Variants in AMBRA1 observed in about 807,000 individuals in gnomAD.
AMBRA1 encodes autophagy and beclin 1 regulator 1, also known as activating molecule in BECN1-regulated autophagy protein 1.
AMBRA1 carries 47 observed loss-of-function variants against 125.4 expected under a neutral mutation model. The observed-to-expected ratio is 0.37, with a 90% confidence interval of 0.30 to 0.48. The LOEUF (loss-of-function observed/expected upper bound fraction) is 0.48. Ranked by LOEUF, AMBRA1 falls within the 20% of genes least tolerant of loss-of-function variation. The pLI is 0.99. For synonymous variants in AMBRA1, 626 were observed against 655.5 expected, an observed-to-expected ratio of 0.95 and a Z score of 0.69; for missense variants, 1,331 against 1,693.4, an observed-to-expected ratio of 0.79 and a Z score of 3.76.
At chr11:46,446,413 G>A (rs746580462) in intron 11 of AMBRA1, among the ~76,000 whole-genome samples, 1 of 152,148 alleles carries the variant, frequency 6.6e-6, no homozygotes, top group Non-Finnish European at 1.5e-5. Flanking sequence ...GGGGGTTAAT[G>A]GACTGAGCTA....
chr11:46,539,918 A>G (rs964475316), intron 7 of AMBRA1, among the ~76,000 whole-genome samples: 52 of 151,850 alleles, frequency 3.4e-4, no homozygotes, highest in African/African-American at 1.2e-3. Flanking sequence ...CGCAACCTCC[A>G]TCTCCTGGGT....
intron 1 of AMBRA1, among the ~76,000 whole-genome samples, chr11:46,549,530 C>T (rs112164044): frequency 6.6e-6 from 1 of 152,124 alleles, no homozygotes; most frequent in Non-Finnish European, 1.5e-5. Flanking sequence ...GACACTTTAA[C>T]CCTGCATATT....
chr11:46,569,304 TA>T (rs2043662069), intron 1 of AMBRA1, among the ~76,000 whole-genome samples: 1 of 148,490 alleles, frequency 6.7e-6, no homozygotes, highest in African/African-American at 2.5e-5. Flanking sequence ...TATAAACTCA[TA>T]GTTCATACAA....
Position 46,542,741 on chromosome 11 carries a change from G to C in AMBRA1, c.1276C>G (p.Leu426Val). The change falls in exon 7 of 18, where the codon CTG becomes GTG. Residue 426 changes from leucine to valine, a missense_variant. Physicochemically the swap from Leu to Val is conservative, Grantham distance 32 (BLOSUM62 1). Transcript: ENST00000683756. The surrounding 1 kb of genome is among the most constrained non-coding windows in gnomAD (Gnocchi z 5.9). Reference sequence around the variant, plus strand: ...GATTCCGCCTCAGAGCGGGAGTTCAGACTGAGTACTGTCCGGGTCCACTCA... The same window carrying C: ...GATTCCGCCTCAGAGCGGGAGTTCACACTGAGTACTGTCCGGGTCCACTCA... ...GSEWTRTVLSLNSRSEAESMP... is the reference protein window; with the variant it reads ...GSEWTRTVLSVNSRSEAESMP... The C allele has an allele frequency of 6.2e-7, 1 of 1,614,048 alleles. No homozygotes were observed. Among genetic ancestry groups the C allele is most frequent in the Non-Finnish European group, 8.5e-7 (1 of 1,180,004 alleles).
At chr11:46,558,548 C>CAAAAAAAAAAA (rs58748629) in intron 1 of AMBRA1, among the ~76,000 whole-genome samples, 1 of 38,740 alleles carries the variant, frequency 2.6e-5, no homozygotes, top group Non-Finnish European at 5.2e-5. Context: ...GACTCCCTCT[C>CAAAAAAAAAAA]AAAAAAAAAA....
intron 2 of AMBRA1, 61 bp from the exon 3 acceptor site, chr11:46,547,936 A>C: frequency 6.5e-7 from 1 of 1,539,498 alleles, no homozygotes; most frequent in Non-Finnish European, 8.8e-7. Context: ...GGTTCACCGT[A>C]TCTCAAAAGC....
chr11:46,505,281 A>T (rs1260564302), intron 9 of AMBRA1, among the ~76,000 whole-genome samples: 1 of 152,158 alleles, frequency 6.6e-6, no homozygotes, highest in Non-Finnish European at 1.5e-5. Flanking sequence ...CTTCTTTGTT[A>T]TTCTCCCTCC....
intron 9 of AMBRA1, among the ~76,000 whole-genome samples, chr11:46,505,364 G>A (rs1286873400): frequency 6.6e-6 from 1 of 152,162 alleles, no homozygotes; most frequent in Non-Finnish European, 1.5e-5. Context: ...GAGGGAGGTG[G>A]GCAGGGAAGG....
rs12099394 is a variant in AMBRA1 at position 46,450,218 on chromosome 11, A to T, written c.2522-6620T>A. On this transcript the variant is annotated intron_variant, in intron 11 of 17. Coordinates refer to ENST00000683756, the MANE Select transcript of AMBRA1 (RefSeq NM_001387011.1). ...AACTGTGGCACATCCATACAATGGAATATTATTCATGCTAAAAGAAATGAG... is the reference window on the plus strand; with the variant it reads ...AACTGTGGCACATCCATACAATGGATTATTATTCATGCTAAAAGAAATGAG... Among the ~76,000 whole-genome samples the T allele has an allele frequency of 1.8e-3, 272 of 152,338 alleles. 6 individuals are homozygous for T. The East Asian group carries it at 0.042, about 24-fold the overall frequency.
intron 7 of AMBRA1, among the ~76,000 whole-genome samples, chr11:46,525,682 C>T (rs777874801): frequency 2.6e-5 from 4 of 151,632 alleles, no homozygotes; most frequent in Non-Finnish European, 2.9e-5. Context: ...ATCCGGGAGG[C>T]GGAAGTTGCA....
intron 1 of AMBRA1, chr11:46,548,922 C>T (rs576006632): frequency 6.6e-6 from 1 of 152,556 alleles, no homozygotes; most frequent in Admixed American, 6.5e-5. Flanking sequence ...ACCCAGGACG[C>T]AGAAGTTGCA....
At chr11:46,546,018 A>C in intron 4 of AMBRA1, 1 of 366,910 alleles carries the variant, frequency 2.7e-6, no homozygotes, top group Non-Finnish European at 4.9e-6. Flanking sequence ...AAGCATATAT[A>C]CACAGTTCCT....
rs548208375 is a variant in AMBRA1, at chr11:46,484,630, C to T, written c.2521+8978G>A. On this transcript the variant is annotated intron_variant, in intron 11 of 17. Transcript: ENST00000683756. ...GCATTCCCTTTCCACTGCATCCCTG[C>T]CACCACCTATACTTCTTTGGCTTTT... Among the ~76,000 whole-genome samples the T allele has an allele frequency of 2.0e-5, 3 of 152,038 alleles. No homozygotes were observed. In the East Asian group the frequency reaches 5.8e-4, roughly 29 times the overall value.
At chr11:46,459,780 G>A (rs1949019929) in intron 11 of AMBRA1, among the ~76,000 whole-genome samples, 1 of 141,810 alleles carries the variant, frequency 7.1e-6, no homozygotes, top group South Asian at 2.4e-4. Context: ...ACACACCCTG[G>A]AATACCACAG....
chr11:46,578,859 T>C (rs1591177228), intron 1 of AMBRA1, among the ~76,000 whole-genome samples: 2 of 112,746 alleles, frequency 1.8e-5, no homozygotes, highest in Non-Finnish European at 3.3e-5. Flanking sequence ...CACTCCAGCC[T>C]GGGCGACAGA....
chr11:46,438,088 G>A (rs916754876), intron 12 of AMBRA1, among the ~76,000 whole-genome samples: 1 of 152,176 alleles, frequency 6.6e-6, no homozygotes, highest in African/African-American at 2.4e-5. Flanking sequence ...CTTAGTCTGG[G>A]AGATGCATCT....
intron 9 of AMBRA1, among the ~76,000 whole-genome samples, chr11:46,499,666 C>CT (rs1035113178): frequency 3.3e-5 from 5 of 150,820 alleles, no homozygotes; most frequent in Admixed American, 6.6e-5. Flanking sequence ...TCTTTTTTTT[C>CT]TTTTTTTTGA....
intron 7 of AMBRA1, among the ~76,000 whole-genome samples, chr11:46,520,664 C>T (rs1951719430): frequency 1.3e-5 from 2 of 149,668 alleles, no homozygotes; most frequent in African/African-American, 2.5e-5. Context: ...GGCGTGGTAT[C>T]GGCTCACTGC....
intron 14 of AMBRA1, among the ~76,000 whole-genome samples, chr11:46,423,757 A>ATTTT (rs538298573): frequency 1.5e-4 from 15 of 98,876 alleles, no homozygotes; most frequent in African/African-American, 2.2e-4. Context: ...CAGTGCACCC[A>ATTTT]TTTTTTTTTT....
Sources: allele counts gnomAD v4.1 joint callset (sites outside exome capture counted in the v4.1 genomes callset), GRCh38; gene constraint gnomAD v4.1.1; non-coding constraint Gnocchi (gnomAD v3.1); transcripts MANE v1.5; gene names NCBI Gene and HGNC (gene_info 2026-07-23, HGNC 2026-07-21).